The following SLC15A1 variants were observed in gnomAD, a reference collection of about 807,000 sequenced individuals.
SLC15A1 encodes the protein Caco-2 oligopeptide transporter.
SLC15A1 carries 83 observed loss-of-function variants against 92.9 expected under a neutral mutation model. That is an observed-to-expected ratio of 0.89 (90% CI 0.75 to 1.07). SLC15A1 has a LOEUF of 1.07. Ranked by LOEUF, SLC15A1 falls within the 50% of genes least tolerant of loss-of-function variation. The pLI is 0.00. For synonymous variants in SLC15A1, 322 were observed against 318.2 expected (o/e 1.01, Z -0.13); for missense variants, 857 against 880.1 (o/e 0.97, Z 0.33).
intron 1 of SLC15A1, among the ~76,000 whole-genome samples, chr13:98,748,467 A>AT (rs888742290): frequency 1.3e-4 from 19 of 151,696 alleles, no homozygotes; most frequent in African/African-American, 3.1e-4. Context: ...ATATTTTTGT[A>AT]TTTTTTTTGT....
intron 1 of SLC15A1, 85 bp downstream of exon 1, chr13:98,752,510 C>T: frequency 8.3e-7 from 1 of 1,206,406 alleles, no homozygotes; most frequent in Non-Finnish European, 1.1e-6. Context: ...GCGTACCCTT[C>T]GCGCCTCCCG....
At chr13:98,709,954 T>A in intron 11 of SLC15A1, 43 bp from the exon 12 acceptor site, 2 of 1,596,042 alleles carry the variant, frequency 1.3e-6, no homozygotes, top group Non-Finnish European at 1.7e-6. Context: ...GGGATGTGGG[T>A]TTTTAAAATT....
Position 98,708,672 on chromosome 13 carries a change from A to AG in SLC15A1, c.1149+13dup, listed in dbSNP as rs751303394. On this transcript the variant is annotated intron_variant, in intron 15 of 22. Coordinates refer to ENST00000376503, the MANE Select transcript of SLC15A1 (RefSeq NM_005073.4). Reference sequence around the variant, plus strand: ...CACCAGGAAAGGACATGGGAGAACCAGGGGACAACTCACATCGATTTCCAC... The same window carrying AG: ...CACCAGGAAAGGACATGGGAGAACCAGGGGGACAACTCACATCGATTTCCAC... 3 of 1,609,230 alleles carry AG rather than the reference A, an allele frequency of 1.9e-6. No individual in the cohort carries two copies. Among genetic ancestry groups the AG allele is most frequent in the Non-Finnish European group, 2.5e-6 (3 of 1,177,156 alleles).
chr13:98,731,277 T>C (rs1284103623), intron 1 of SLC15A1, among the ~76,000 whole-genome samples: 6 of 152,208 alleles, frequency 3.9e-5, no homozygotes, highest in African/African-American at 9.6e-5. Flanking sequence ...TTGGGCTGTC[T>C]TTCACACCAG....
intron 6 of SLC15A1, 84 bp from the exon 7 acceptor site, chr13:98,721,669 C>G: frequency 7.9e-7 from 1 of 1,265,664 alleles, no homozygotes; most frequent in Admixed American, 2.1e-5. Flanking sequence ...TTACTACTAA[C>G]TTAGTTTTGG....
chr13:98,712,783 G>A (rs779168774), intron 9 of SLC15A1, among the ~76,000 whole-genome samples, 199 bp from the exon 10 acceptor site: 3 of 152,172 alleles, frequency 2.0e-5, no homozygotes, highest in Non-Finnish European at 4.4e-5. Context: ...GGGGTGAACA[G>A]AATTAAGCTG....
Position 98,684,613 on chromosome 13 carries a change from C to G in SLC15A1, c.*111G>C. 1 of 666,096 alleles carries G rather than the reference C, an allele frequency of 1.5e-6. No individual in the cohort carries two copies. Among genetic ancestry groups the G allele is most frequent in the Non-Finnish European group, 2.5e-6 (1 of 395,722 alleles). 41.3% of individuals were successfully genotyped at this position (666,096 alleles called of 1,614,324 possible). A position where few individuals can be genotyped will look rare whatever the true frequency, so the allele number is the denominator to read the frequency against. Reference sequence around the variant, plus strand: ...AAAATAGCATTCATGGTTTAGTTCCCAATTCTGAAGTCTTCCTCATCAGGG... The same window carrying G: ...AAAATAGCATTCATGGTTTAGTTCCGAATTCTGAAGTCTTCCTCATCAGGG... On this transcript the variant is annotated 3_prime_UTR_variant, in exon 23 of 23. Transcript: ENST00000376503.
chr13:98,717,809 C>T (rs2088222783), intron 8 of SLC15A1, among the ~76,000 whole-genome samples: 1 of 152,168 alleles, frequency 6.6e-6, no homozygotes, highest in Non-Finnish European at 1.5e-5. Context: ...TGATTGTCAG[C>T]TGAGCAAAGC....
chr13:98,687,760 T>A (rs8187839), intron 20 of SLC15A1, 36 bp from the exon 21 acceptor site: 8 of 1,603,588 alleles, frequency 5.0e-6, no homozygotes, highest in Non-Finnish European at 6.0e-6. Context: ...GAAGTTGAGA[T>A]AGCTTCTAAA....
intron 9 of SLC15A1, among the ~76,000 whole-genome samples, chr13:98,714,837 T>C (rs866520234): frequency 1.3e-5 from 2 of 152,030 alleles, no homozygotes; most frequent in South Asian, 2.1e-4. Context: ...ATACAGTATG[T>C]TCACTAAAAA....
At chr13:98,691,236 G>A (rs146752555) in intron 18 of SLC15A1, among the ~76,000 whole-genome samples, 20 of 152,158 alleles carry the variant, frequency 1.3e-4, no homozygotes, top group African/African-American at 4.3e-4. Flanking sequence ...GTAGAGAGGG[G>A]ATGTGTTAGC....
intron 9 of SLC15A1, among the ~76,000 whole-genome samples, chr13:98,714,035 A>T (rs1352395575): frequency 6.8e-6 from 1 of 148,046 alleles, no homozygotes; most frequent in Admixed American, 6.8e-5. Context: ...CCTGGGTGTC[A>T]GAGTGAGACT....
chr13:98,704,333 G>A lies in SLC15A1; in HGVS notation c.1372C>T (p.Gln458Ter). 6.2e-7 allele frequency: 1 copy of A among 1,613,882 alleles called. No individual in the cohort carries two copies. The highest frequency in any genetic ancestry group is 1.3e-5 in the African/African-American group (1 of 75,012). The change falls in exon 17 of 23, where the codon CAA becomes TAA. Residue 458 changes from glutamine to a stop codon, truncating the protein, a stop_gained. Transcript: ENST00000376503. LOFTEE classifies it high-confidence loss of function. ...GCCCACACTAGAAGCGTGTGGCGTTGGCCCTGCTTGAAGTCGTCAGTTACA... is the reference window on the plus strand; with the variant it reads ...GCCCACACTAGAAGCGTGTGGCGTTAGCCCTGCTTGAAGTCGTCAGTTACA... ...TAVTDDFKQG[Q>*]RHTLLVWAPN...
chr13:98,691,794 C>G, intron 18 of SLC15A1, among the ~76,000 whole-genome samples: 1 of 152,034 alleles, frequency 6.6e-6, no homozygotes, highest in East Asian at 1.9e-4. Flanking sequence ...AAAGCTTGAG[C>G]GGGGCACGGT....
chr13:98,701,216 A>G (rs568212842), intron 18 of SLC15A1, among the ~76,000 whole-genome samples: 1 of 152,292 alleles, frequency 6.6e-6, no homozygotes, highest in African/African-American at 2.4e-5. Context: ...TTCATAAGCA[A>G]TTTTGTAGTT....
chr13:98,716,195 C>T (rs533059921), intron 8 of SLC15A1, among the ~76,000 whole-genome samples: 2 of 152,290 alleles, frequency 1.3e-5, no homozygotes, highest in East Asian at 1.9e-4. Context: ...AGCCTAATAT[C>T]ATCTACTTCC....
In SLC15A1 at chr13:98,730,759, G is replaced by A. The variant is rs118142962; in HGVS notation, c.5-3900C>T. ...GTGTTTGTGGGACACGTTTCCTAAG[G>A]CCCCGTTTATCAGTCACAGAGCACA... On this transcript the variant is annotated intron_variant, in intron 1 of 22. Coordinates refer to ENST00000376503, the MANE Select transcript of SLC15A1 (RefSeq NM_005073.4). Among the ~76,000 whole-genome samples the A allele has an allele frequency of 3.3e-5, 5 of 152,338 alleles. No homozygotes were observed. The East Asian group carries it at 9.7e-4, about 29-fold the overall frequency.
intron 18 of SLC15A1, among the ~76,000 whole-genome samples, chr13:98,689,624 A>T (rs2087959358): frequency 6.6e-6 from 1 of 151,876 alleles, no homozygotes; most frequent in Non-Finnish European, 1.5e-5. Flanking sequence ...TTTTATTTTT[A>T]TTTTTGTAGA....
At chr13:98,715,180 C>T (rs949950320) in intron 9 of SLC15A1, among the ~76,000 whole-genome samples, 82 of 151,980 alleles carry the variant, frequency 5.4e-4, no homozygotes, top group Middle Eastern at 3.4e-3. Context: ...TTTTCTTACT[C>T]TAGTTTTGTT....
Sources: allele counts gnomAD v4.1 joint callset (sites outside exome capture counted in the v4.1 genomes callset), GRCh38; gene constraint gnomAD v4.1.1; transcripts MANE v1.5; gene names NCBI Gene and HGNC (gene_info 2026-07-23, HGNC 2026-07-21).